The following FRMD3 variants were observed in gnomAD, a reference collection of about 807,000 sequenced individuals.
FRMD3 encodes the protein FERM domain containing 3.
Under a neutral mutation model 70.2 loss-of-function variants are expected in FRMD3, and 33 were observed. The observed-to-expected ratio is 0.47, with a 90% CI of 0.36 to 0.63. The LOEUF is 0.63. Ranked by LOEUF, FRMD3 falls within the 20% of genes least tolerant of loss-of-function variation. The pLI, the probability that FRMD3 is intolerant of heterozygous loss-of-function variation, is 0.00. For synonymous variants in FRMD3, 279 were observed against 255.9 expected, an observed-to-expected ratio of 1.09 and a Z score of -0.86; for missense variants, 632 against 711.4, an observed-to-expected ratio of 0.89 and a Z score of 1.27.
chr9:83,437,621 T>C (rs1311160622), intron 1 of FRMD3, among the ~76,000 whole-genome samples: 2 of 152,146 alleles, frequency 1.3e-5, no homozygotes, highest in East Asian at 1.9e-4. Context: ...TAATCCATCA[T>C]TACTGACCAC....
chr9:83,457,706 T>C (rs11140103), intron 1 of FRMD3, among the ~76,000 whole-genome samples: 24,292 of 152,086 alleles, frequency 0.16, 1,982 homozygotes, highest in East Asian at 0.2. Flanking sequence ...TTTTTATCCG[T>C]GGTTGGTTGG....
intron 1 of FRMD3, among the ~76,000 whole-genome samples, chr9:83,427,436 G>A (rs1236569498): frequency 1.3e-5 from 2 of 152,094 alleles, no homozygotes; most frequent in Non-Finnish European, 2.9e-5. Context: ...AGTCTTGCTC[G>A]GTACCTGACC....
chr9:83,277,194 A>G (rs761967054), intron 13 of FRMD3, among the ~76,000 whole-genome samples: 16 of 152,238 alleles, frequency 1.1e-4, no homozygotes, highest in Admixed American at 3.3e-4. Context: ...GGAAATATTC[A>G]TGTGAAATGA....
At chr9:83,356,903 GT>G (rs1275357420) in intron 3 of FRMD3, among the ~76,000 whole-genome samples, 1 of 151,402 alleles carries the variant, frequency 6.6e-6, no homozygotes. Flanking sequence ...CCAACCCTTT[GT>G]CCCGAGTCCC....
intron 10 of FRMD3, 134 bp downstream of exon 10, chr9:83,309,402 C>A (rs1004486609): frequency 5.1e-6 from 3 of 592,602 alleles, no homozygotes; most frequent in African/African-American, 3.7e-5. Flanking sequence ...CTGAACAATG[C>A]ACAAAATTTT....
At chr9:83,341,669 G>C (rs991243050) in intron 5 of FRMD3, among the ~76,000 whole-genome samples, 1 of 152,144 alleles carries the variant, frequency 6.6e-6, no homozygotes, top group Middle Eastern at 3.4e-3. Flanking sequence ...TGAAGGGGCT[G>C]TTTCCCATTA....
At chr9:83,346,308 G>A (rs937274964) in intron 4 of FRMD3, among the ~76,000 whole-genome samples, 6 of 148,072 alleles carry the variant, frequency 4.1e-5, no homozygotes, top group East Asian at 2.0e-4. Flanking sequence ...TCCCCCAGCT[G>A]ACGAATACAT....
chr9:83,344,687 C>G (rs1823891644), intron 4 of FRMD3, among the ~76,000 whole-genome samples: 1 of 152,190 alleles, frequency 6.6e-6, no homozygotes, highest in Non-Finnish European at 1.5e-5. Flanking sequence ...CTTTGAACTA[C>G]ACCACTGGCT....
intron 1 of FRMD3, among the ~76,000 whole-genome samples, chr9:83,500,060 T>G (rs903824437): frequency 8.5e-5 from 13 of 152,104 alleles, no homozygotes; most frequent in Admixed American, 3.3e-4. Context: ...AGTAAAGAGA[T>G]CAGTGGTTTC....
intron 3 of FRMD3, among the ~76,000 whole-genome samples, chr9:83,368,840 A>G (rs187630430): frequency 6.6e-6 from 1 of 152,096 alleles, no homozygotes; most frequent in Non-Finnish European, 1.5e-5. Flanking sequence ...ATATCTTTAG[A>G]TCTACTTATT....
the FRMD3 span, among the ~76,000 whole-genome samples, chr9:83,553,977 C>T: frequency 5.9e-5 from 9 of 152,286 alleles, no homozygotes; most frequent in South Asian, 2.1e-4. Flanking sequence ...TTTCTCATCT[C>T]GGCATGTGGG....
intron 1 of FRMD3, among the ~76,000 whole-genome samples, chr9:83,436,781 GAAAAAAA>G (rs200464485): frequency 7.6e-6 from 1 of 132,278 alleles, no homozygotes; most frequent in Non-Finnish European, 1.6e-5. Flanking sequence ...GGACCAAGGG[GAAAAAAA>G]AAAAAAAAAA....
intron 1 of FRMD3, among the ~76,000 whole-genome samples, chr9:83,391,106 A>G (rs1385242374): frequency 6.6e-6 from 1 of 152,212 alleles, no homozygotes; most frequent in Non-Finnish European, 1.5e-5. Flanking sequence ...GTTTATAAGC[A>G]CATAGTGTGA....
At chr9:83,298,715 G>A (rs1177679188) in intron 12 of FRMD3, 33 bp downstream of exon 12, 1 of 1,588,420 alleles carries the variant, frequency 6.3e-7, no homozygotes, top group African/African-American at 1.3e-5. Context: ...AGCTTTTAAA[G>A]CCACCTGGAA....
intron 13 of FRMD3, among the ~76,000 whole-genome samples, chr9:83,265,119 G>A (rs910288868): frequency 3.3e-5 from 5 of 151,968 alleles, no homozygotes; most frequent in African/African-American, 1.2e-4. Flanking sequence ...TGCCCGTGTC[G>A]GCCAGGTGCG....
intron 13 of FRMD3, among the ~76,000 whole-genome samples, chr9:83,284,933 G>A (rs1488689691): frequency 6.6e-6 from 1 of 152,172 alleles, no homozygotes; most frequent in Non-Finnish European, 1.5e-5. Flanking sequence ...CAACTGTGTA[G>A]TGCATGAAAG....
At chr9:83,545,239 T>C in the FRMD3 span, among the ~76,000 whole-genome samples, 26 of 152,028 alleles carry the variant, frequency 1.7e-4, no homozygotes, top group Non-Finnish European at 2.6e-4. Context: ...CAAAATACAG[T>C]TGAAAGCTTT....
At chr9:83,498,049 G>A (rs1413260791) in intron 1 of FRMD3, among the ~76,000 whole-genome samples, 1 of 152,194 alleles carries the variant, frequency 6.6e-6, no homozygotes, top group African/African-American at 2.4e-5. Flanking sequence ...TTGGGAGGCT[G>A]AGACAGGAGA....
At chr9:83,436,326 A>T (rs1383264162) in intron 1 of FRMD3, among the ~76,000 whole-genome samples, 1 of 152,218 alleles carries the variant, frequency 6.6e-6, no homozygotes, top group Non-Finnish European at 1.5e-5. Context: ...TCATTGACAC[A>T]TAAAACTGTC....
Sources: allele counts gnomAD v4.1 joint callset (sites outside exome capture counted in the v4.1 genomes callset), GRCh38; gene constraint gnomAD v4.1.1; transcripts MANE v1.5; gene names NCBI Gene and HGNC (gene_info 2026-07-23, HGNC 2026-07-21).